Variants in ROBO2 observed in about 807,000 individuals in gnomAD.
ROBO2 encodes roundabout guidance receptor 2, also known as roundabout homolog 2.
Under a neutral mutation model 160.8 loss-of-function variants are expected in ROBO2, and 53 were observed. The ratio of observed to expected loss-of-function variants is 0.33; its 90% confidence interval spans 0.26 to 0.41. The LOEUF is 0.41. ROBO2 is among the 10% of genes least tolerant of loss of function. The pLI is 1.00. For synonymous variants in ROBO2, 664 were observed against 611.7 expected (o/e 1.09, Z -1.26); for missense variants, 1,577 against 1,722.4 (o/e 0.92, Z 1.49).
chr3:76,877,811 GCA>G (rs1268596301), intron 2 of ROBO2, among the ~76,000 whole-genome samples: 5 of 152,168 alleles, frequency 3.3e-5, no homozygotes, highest in African/African-American at 1.2e-4. Flanking sequence ...TCTCTGGCTT[GCA>G]CAGTTACCTT....
chr3:76,175,935 C>T (rs2073213705), intron 2 of ROBO2, among the ~76,000 whole-genome samples: 1 of 152,100 alleles, frequency 6.6e-6, no homozygotes, highest in African/African-American at 2.4e-5. Flanking sequence ...AGAAGAATTA[C>T]ATATGCTCAA....
chr3:77,634,017 C>G (rs1274359118), intron 23 of ROBO2: 4 of 152,152 alleles, frequency 2.6e-5, no homozygotes, highest in Non-Finnish European at 5.9e-5. Flanking sequence ...TGAAAACATA[C>G]ACAGGAGAAT....
Position 76,271,115 on chromosome 3 carries a change from A to C in ROBO2, c.109+333513A>C, listed in dbSNP as rs561570758. 2.6e-4 allele frequency among the ~76,000 whole-genome samples: 40 copies of C among 152,232 alleles called. No homozygotes were observed. The South Asian group carries it at 5.2e-3, about 20-fold the overall frequency. On this transcript the variant is annotated intron_variant, in intron 2 of 26. Coordinates refer to the ROBO2 transcript ENST00000487694. ...AAAGATGTTTTTATAGATTATTTAA[A>C]ATAAGCCTACTTATCTTTACATTTA...
At chr3:75,941,162 C>T (rs1369854917) in intron 2 of ROBO2, among the ~76,000 whole-genome samples, 3 of 151,986 alleles carry the variant, frequency 2.0e-5, no homozygotes, top group Non-Finnish European at 4.4e-5. Context: ...TGCTATGTTG[C>T]CCAGGCAGGT....
chr3:76,708,816 A>T lies in ROBO2; in HGVS notation c.110-389198A>T, dbSNP rs565596077. On this transcript the variant is annotated intron_variant, in intron 2 of 26. Coordinates refer to the ROBO2 transcript ENST00000487694. ...AGCAAGGGGAGAAATTTAGAGTTTCAGTGCCAGATTGACATCTTCAAACAA... is the reference window on the plus strand; with the variant it reads ...AGCAAGGGGAGAAATTTAGAGTTTCTGTGCCAGATTGACATCTTCAAACAA... 2.0e-5 allele frequency among the ~76,000 whole-genome samples: 3 copies of T among 152,296 alleles called. No homozygotes were observed. In the South Asian group the frequency reaches 6.2e-4, roughly 32 times the overall value.
chr3:76,090,967 A>C (rs1481047099), intron 2 of ROBO2, among the ~76,000 whole-genome samples: 1 of 152,196 alleles, frequency 6.6e-6, no homozygotes, highest in Non-Finnish European at 1.5e-5. Context: ...ATGGACTATC[A>C]ATCTAGATGT....
At chr3:77,247,312 G>A (rs2089837819) in intron 2 of ROBO2, among the ~76,000 whole-genome samples, 2 of 152,168 alleles carry the variant, frequency 1.3e-5, no homozygotes, top group Non-Finnish European at 2.9e-5. Context: ...AGAGTAGGTT[G>A]TCATGGAGCT....
intron 2 of ROBO2, among the ~76,000 whole-genome samples, chr3:75,951,633 T>C (rs1948539144): frequency 6.6e-6 from 1 of 152,066 alleles, no homozygotes. Context: ...GGGAATGCCA[T>C]GCATGAAAAT....
At chr3:77,561,874 C>A (rs2153661440) in intron 9 of ROBO2, among the ~76,000 whole-genome samples, 1 of 152,176 alleles carries the variant, frequency 6.6e-6, no homozygotes, top group Non-Finnish European at 1.5e-5. Flanking sequence ...GAGGCTGAGG[C>A]AGGCGGGTCA....
chr3:76,937,026 G>GACCT (rs113246293), intron 2 of ROBO2, among the ~76,000 whole-genome samples: 62,677 of 151,148 alleles, frequency 0.41, 13,059 homozygotes, highest in South Asian at 0.49. Context: ...ACTCATTATT[G>GACCT]ACCTACCCCT....
At chr3:76,714,087 C>G (rs2093342910) in intron 2 of ROBO2, among the ~76,000 whole-genome samples, 1 of 151,880 alleles carries the variant, frequency 6.6e-6, no homozygotes, top group Non-Finnish European at 1.5e-5. Context: ...CTTTTAATAC[C>G]TGTAGGTTTA....
intron 2 of ROBO2, among the ~76,000 whole-genome samples, chr3:77,334,611 C>A (rs1337973756): frequency 1.3e-5 from 2 of 152,176 alleles, no homozygotes; most frequent in East Asian, 3.8e-4. Flanking sequence ...TCTGGGATAT[C>A]CCTTACCATA....
intron 2 of ROBO2, among the ~76,000 whole-genome samples, chr3:76,459,219 T>A (rs1209061415): frequency 6.6e-6 from 1 of 152,182 alleles, no homozygotes; most frequent in African/African-American, 2.4e-5. Context: ...TAAAGAAATA[T>A]ACCTCTCAAT....
chr3:76,367,679 C>T (rs914169001), intron 2 of ROBO2, among the ~76,000 whole-genome samples: 93 of 151,926 alleles, frequency 6.1e-4, no homozygotes, highest in African/African-American at 2.0e-3. Flanking sequence ...GCCCCAATTT[C>T]CATGAGAAAA....
intron 2 of ROBO2, among the ~76,000 whole-genome samples, chr3:76,031,463 A>G (rs2066916926): frequency 6.6e-6 from 1 of 152,154 alleles, no homozygotes; most frequent in African/African-American, 2.4e-5. Flanking sequence ...GAATGCCTAC[A>G]GTTTTTGCCC....
At chr3:76,745,273 T>G (rs1308924824) in intron 2 of ROBO2, among the ~76,000 whole-genome samples, 1 of 152,242 alleles carries the variant, frequency 6.6e-6, no homozygotes, top group African/African-American at 2.4e-5. Context: ...AAACTCGAGT[T>G]ACTATATTTC....
intron 2 of ROBO2, among the ~76,000 whole-genome samples, chr3:77,163,219 C>T (rs1579522576): frequency 6.6e-6 from 1 of 152,128 alleles, no homozygotes; most frequent in East Asian, 1.9e-4. Flanking sequence ...TTTGTAGTTC[C>T]TGATATCAAA....
In ROBO2 at chr3:77,595,049, C is replaced by T. The variant is rs75991590; in HGVS notation, c.2684-93C>T. 0.027 allele frequency: 26,667 copies of T among 996,950 alleles called. 1,011 individuals are homozygous for T. The highest frequency in any genetic ancestry group is 0.13 in the East Asian group (5,226 of 41,474). 61.8% of individuals were successfully genotyped at this position (996,950 alleles called of 1,614,324 possible). On this transcript the variant is annotated intron_variant, in intron 17 of 25. Coordinates refer to ENST00000461745, the Ensembl canonical transcript of ROBO2. ...TTGTTAAAATTCCCAGAGGCCTCAG[C>T]TCTAAACTAAGGGCCAATATGTAGT... is the stretch of plus-strand genomic sequence containing the variant.
At chr3:76,513,106 A>G (rs186079559) in intron 2 of ROBO2, among the ~76,000 whole-genome samples, 1,563 of 152,326 alleles carry the variant, frequency 0.01, 15 homozygotes, top group South Asian at 0.02. Context: ...TTGATCAAGG[A>G]AGTTCTCTTG....
Sources: allele counts gnomAD v4.1 joint callset (sites outside exome capture counted in the v4.1 genomes callset), GRCh38; gene constraint gnomAD v4.1.1; transcripts MANE v1.5; gene names NCBI Gene and HGNC (gene_info 2026-07-23, HGNC 2026-07-21).